PEX14: variants seen among roughly 807,000 people sequenced by gnomAD.
The protein encoded by PEX14 is peroxisomal biogenesis factor 14.
Under a neutral mutation model 49.5 loss-of-function variants are expected in PEX14, and 15 were observed. The ratio of observed to expected loss-of-function variants is 0.30; its 90% confidence interval spans 0.20 to 0.47. The LOEUF (loss-of-function observed/expected upper bound fraction) is 0.47. PEX14 is among the 20% of genes least tolerant of loss of function. PEX14 has a pLI of 1.00. For missense variants in PEX14, 398 were observed against 494.8 expected, an observed-to-expected ratio of 0.80 and a Z score of 1.86; for synonymous variants, 210 against 212.7, an observed-to-expected ratio of 0.99 and a Z score of 0.11.
At chr1:10,508,912 G>A (rs1194365209) in intron 2 of PEX14, among the ~76,000 whole-genome samples, 3 of 151,878 alleles carry the variant, frequency 2.0e-5, no homozygotes, top group African/African-American at 4.8e-5. Flanking sequence ...ACTGCAGAGA[G>A]TGGCATTCCT....
chr1:10,611,913 G>T (rs1369075900), intron 4 of PEX14, among the ~76,000 whole-genome samples: 2 of 152,190 alleles, frequency 1.3e-5, no homozygotes, highest in African/African-American at 4.8e-5. Flanking sequence ...ATGCTTGGCA[G>T]ATATTTTCTC....
chr1:10,612,269 G>A (rs1401543091), intron 4 of PEX14, among the ~76,000 whole-genome samples: 11 of 151,892 alleles, frequency 7.2e-5, no homozygotes. Context: ...GAGCTACCTT[G>A]GCCTCTATCA....
intron 3 of PEX14, among the ~76,000 whole-genome samples, chr1:10,536,973 T>G (rs1417262368): frequency 6.6e-6 from 1 of 152,194 alleles, no homozygotes; most frequent in Non-Finnish European, 1.5e-5. Context: ...AGGAAGTCAT[T>G]TACACATCCT....
Position 10,514,350 on chromosome 1 carries a change from G to A in PEX14, c.84+19029G>A, listed in dbSNP as rs145624210. Among the ~76,000 whole-genome samples the A allele has an allele frequency of 1.3e-3, 199 of 152,286 alleles. 2 individuals are homozygous for A. Among genetic ancestry groups the A allele is most frequent in the South Asian group, 0.012 (58 of 4,824 alleles). On this transcript the variant is annotated intron_variant, in intron 2 of 8. Transcript: ENST00000356607. The surrounding 1 kb of genome is among the most constrained non-coding windows in gnomAD (Gnocchi z 4.4). Reference sequence around the variant, plus strand: ...TATGTGCGAGCGCCTGTGTACGCACGTGGTCGTCACCCGCCAGAAAGATGC... The same window carrying A: ...TATGTGCGAGCGCCTGTGTACGCACATGGTCGTCACCCGCCAGAAAGATGC...
chr1:10,622,939 T>G, intron 5 of PEX14, 80 bp from the exon 6 acceptor site: 1 of 966,672 alleles, frequency 1.0e-6, no homozygotes, highest in East Asian at 2.5e-5. Flanking sequence ...AGGGAGAAAG[T>G]TGGGCGGCAG....
chr1:10,516,921 A>G (rs1333679738), intron 2 of PEX14: 1 of 152,288 alleles, frequency 6.6e-6, no homozygotes, highest in East Asian at 1.9e-4. Flanking sequence ...CGTGCCTCAC[A>G]AGCCCTTCTC....
At position 10,477,926 on chromosome 1, in the gene PEX14, T is replaced by C. The variant is rs148945742; in HGVS notation, c.36+2924T>C. Among the ~76,000 whole-genome samples, 288 of 152,342 alleles carry C rather than the reference T, an allele frequency of 1.9e-3. 13 individuals carry two copies. In the East Asian group the frequency reaches 0.044, roughly 24 times the overall value. On this transcript the variant is annotated intron_variant, in intron 1 of 8. Coordinates refer to ENST00000356607, the MANE Select transcript of PEX14 (RefSeq NM_004565.3). ...ATTTTTGAGACCGAGTCTCACTCTGTTGACCAGGCTGGAGTGCAGTGGCGC... is the reference window on the plus strand; with the variant it reads ...ATTTTTGAGACCGAGTCTCACTCTGCTGACCAGGCTGGAGTGCAGTGGCGC...
chr1:10,629,549 C>T lies in PEX14; in HGVS notation c.696C>T (p.Ser232=). 2 of 1,613,362 alleles carry T rather than the reference C, an allele frequency of 1.2e-6. No individual in the cohort carries two copies. Among genetic ancestry groups the T allele is most frequent in the Non-Finnish European group, 1.7e-6 (2 of 1,179,514 alleles). The part of the protein sequence containing the change: ...LLLNRRQFPP[S]PSAPKIPSWQ... ...CCTCTAGGAGGCAGTTCCCTCCATC[C>T]CCATCAGCCCCGAAGATCCCCTCCT... Residue 232 remains serine (S), a synonymous_variant, in exon 9 of 9, where the codon TCC becomes TCT. Coordinates refer to ENST00000356607, the MANE Select transcript of PEX14 (RefSeq NM_004565.3). This position sits in a 1 kb window ranked among gnomAD's most constrained non-coding sequence, Gnocchi z 8.5.
At position 10,624,216 on chromosome 1, in the gene PEX14, T is replaced by C. The variant is rs536174096; in HGVS notation, c.488-124T>C. Reference sequence around the variant, plus strand: ...GATAAATTAGATGGATTGCGGGGGCTGGGGGTGTCTGCAGATAAATTAGAT... The same window carrying C: ...GATAAATTAGATGGATTGCGGGGGCCGGGGGTGTCTGCAGATAAATTAGAT... On this transcript the variant is annotated intron_variant, in intron 6 of 8. Transcript: ENST00000356607. 41 of 775,710 alleles carry C rather than the reference T, an allele frequency of 5.3e-5. No individual in the cohort carries two copies. In the East Asian group the frequency reaches 1.0e-3, roughly 19 times the overall value. The allele number at this position is 775,710 out of a possible 1,614,324, so 48.1% of individuals were successfully genotyped here. A position where few individuals can be genotyped will look rare whatever the true frequency, so the allele number is the denominator to read the frequency against.
chr1:10,504,949 A>G (rs548646472), intron 2 of PEX14, among the ~76,000 whole-genome samples: 76 of 151,916 alleles, frequency 5.0e-4, no homozygotes, highest in Admixed American at 3.7e-3. Context: ...ACACCCAGCT[A>G]AGTTTTTGTA....
At chr1:10,556,503 A>AT (rs1487639994) in intron 3 of PEX14, among the ~76,000 whole-genome samples, 2 of 152,106 alleles carry the variant, frequency 1.3e-5, no homozygotes, top group African/African-American at 4.8e-5. Context: ...CAGTGTGATA[A>AT]TCGTCCCCTT....
At chr1:10,556,979 C>T (rs1639507909) in intron 3 of PEX14, among the ~76,000 whole-genome samples, 1 of 152,084 alleles carries the variant, frequency 6.6e-6, no homozygotes, top group Non-Finnish European at 1.5e-5. Flanking sequence ...TCTCTTGGGA[C>T]TGTTGAGTCT....
Position 10,531,096 on chromosome 1 carries a change from G to A in PEX14, c.85-5117G>A, listed in dbSNP as rs370004908. Among the ~76,000 whole-genome samples, 8 of 152,256 alleles carry A rather than the reference G, an allele frequency of 5.3e-5. No individual in the cohort carries two copies. The East Asian group carries it at 1.5e-3, about 29-fold the overall frequency. ...ATTGTGAATGGTAGATCAGAGAGGA[G>A]CCTGCATGTAGAAAACCAGAATTAT... On this transcript the variant is annotated intron_variant, in intron 2 of 8. Transcript: ENST00000356607.
chr1:10,547,800 CTA>C (rs1387688684), intron 3 of PEX14, among the ~76,000 whole-genome samples: 1 of 152,008 alleles, frequency 6.6e-6, no homozygotes. Flanking sequence ...CTTTTTTAGT[CTA>C]TTATTATTTT....
intron 7 of PEX14, among the ~76,000 whole-genome samples, chr1:10,624,954 A>G (rs1047629808): frequency 6.6e-6 from 1 of 151,936 alleles, no homozygotes; most frequent in Non-Finnish European, 1.5e-5. Context: ...GCCAGAACCA[A>G]CTCCCAAGGC....
At chr1:10,501,706 G>A (rs1054744900) in intron 2 of PEX14, among the ~76,000 whole-genome samples, 6 of 152,114 alleles carry the variant, frequency 3.9e-5, no homozygotes, top group Admixed American at 6.5e-5. Flanking sequence ...CTTGAGTTCC[G>A]GAGTTTGAGA....
chr1:10,627,499 CTGGG>C, intron 8 of PEX14, 136 bp downstream of exon 8: 1 of 692,510 alleles, frequency 1.4e-6, no homozygotes, highest in South Asian at 1.6e-5. Flanking sequence ...GGCACTGAGT[CTGGG>C]GCCTTTTGAG....
chr1:10,550,045 C>T (rs1002740344), intron 3 of PEX14, among the ~76,000 whole-genome samples: 6 of 152,040 alleles, frequency 3.9e-5, no homozygotes, highest in Admixed American at 1.3e-4. Context: ...GTAATGTTAC[C>T]ATTTACATAA....
chr1:10,552,800 C>G (rs1639373314), intron 3 of PEX14, among the ~76,000 whole-genome samples: 1 of 152,098 alleles, frequency 6.6e-6, no homozygotes, highest in South Asian at 2.1e-4. Flanking sequence ...GGGAGGAGAA[C>G]TAGTGGCGAA....
Sources: gnomAD v4.1 joint callset for allele counts (sites outside exome capture counted in the v4.1 genomes callset) on GRCh38, gnomAD v4.1.1 for gene constraint, Gnocchi (gnomAD v3.1) non-coding constraint, MANE v1.5 for transcripts, NCBI Gene and HGNC (gene_info 2026-07-23, HGNC 2026-07-21) for gene names.